PALM2AKAP2: variants seen among roughly 807,000 people sequenced by gnomAD.
PALM2AKAP2 encodes PALM2 and AKAP2 fusion, also known as PALM2-AKAP2 fusion protein.
PALM2AKAP2 carries 37 observed loss-of-function variants against 71.5 expected under a neutral mutation model. The observed-to-expected ratio is 0.52, with a 90% CI of 0.40 to 0.68. PALM2AKAP2 has a LOEUF of 0.68. Among genes scored for constraint, PALM2AKAP2 ranks in the 30% least tolerant of loss-of-function variants. The pLI is 0.00. For missense variants in PALM2AKAP2, 1,224 were observed against 1,191.8 expected, an observed-to-expected ratio of 1.03 and a Z score of -0.40; for synonymous variants, 468 against 478.8, an observed-to-expected ratio of 0.98 and a Z score of 0.29.
intron 2 of PALM2AKAP2, among the ~76,000 whole-genome samples, chr9:110,147,493 T>A (rs907750030): frequency 6.6e-6 from 1 of 152,178 alleles, no homozygotes; most frequent in Non-Finnish European, 1.5e-5. Flanking sequence ...ATTGTTGTTG[T>A]CATTACAACA....
chr9:110,060,162 G>A (rs1833932690), intron 1 of PALM2AKAP2, among the ~76,000 whole-genome samples: 1 of 152,116 alleles, frequency 6.6e-6, no homozygotes, highest in Non-Finnish European at 1.5e-5. Flanking sequence ...GCCCAGGCTG[G>A]AATGCAATGG....
chr9:110,100,312 C>T (rs1403704554), intron 1 of PALM2AKAP2, among the ~76,000 whole-genome samples: 2 of 152,032 alleles, frequency 1.3e-5, no homozygotes, highest in East Asian at 3.9e-4. Context: ...CAACCCCCTG[C>T]ACTTCTAGAA....
rs571248187 is a variant in PALM2AKAP2 at position 109,695,481 on chromosome 9, A to G, written c.5+54615A>G. Among the ~76,000 whole-genome samples the G allele has an allele frequency of 4.6e-5, 7 of 152,196 alleles. No homozygotes were observed. In the South Asian group the frequency reaches 6.2e-4, roughly 14 times the overall value. ...ATTGTCATTTTTTGTCTTTTTGATA[A>G]TAGTCATTTTAACTGTGGTGAGAGG... On this transcript the variant is annotated intron_variant, in intron 1 of 6. Transcript: ENST00000374531.
At chr9:110,030,301 G>C (rs1325042010) in intron 7 of PALM2AKAP2, among the ~76,000 whole-genome samples, 5 of 152,224 alleles carry the variant, frequency 3.3e-5, no homozygotes, top group African/African-American at 1.2e-4. Flanking sequence ...ATTTGTGACA[G>C]AAGTCTGTTC....
chr9:110,137,809 C>G (rs1418273270), exon 2 of PALM2AKAP2: 1 of 1,614,068 alleles, frequency 6.2e-7, no homozygotes, highest in South Asian at 1.1e-5. Flanking sequence ...TTTCTCTGCC[C>G]CAGACACCAC....
At chr9:110,023,306 T>TTTTC (rs1833109230) in intron 7 of PALM2AKAP2, among the ~76,000 whole-genome samples, 1 of 22,216 alleles carries the variant, frequency 4.5e-5, no homozygotes, top group African/African-American at 2.5e-4. Flanking sequence ...TTGTGGTTTC[T>TTTTC]TTTTTTTTTT....
intron 6 of PALM2AKAP2, among the ~76,000 whole-genome samples, chr9:110,009,705 C>T (rs1320241508): frequency 2.1e-5 from 3 of 141,940 alleles, no homozygotes; most frequent in African/African-American, 8.4e-5. Context: ...CAAAGTGAGA[C>T]TCTGTCTCAA....
intron 1 of PALM2AKAP2, among the ~76,000 whole-genome samples, chr9:109,852,581 T>C (rs949681252): frequency 4.6e-5 from 7 of 152,224 alleles, no homozygotes; most frequent in African/African-American, 1.7e-4. Context: ...GTGGCAATTC[T>C]GTTTTCAGTT....
In PALM2AKAP2 at chr9:109,937,362, G is replaced by A. The variant is rs142893598; in HGVS notation, c.496+5334G>A. Among the ~76,000 whole-genome samples the A allele has an allele frequency of 5.3e-4, 81 of 152,244 alleles. No homozygotes were observed. The East Asian group carries it at 0.011, about 21-fold the overall frequency. On this transcript the variant is annotated intron_variant, in intron 6 of 9. Coordinates refer to the PALM2AKAP2 transcript ENST00000302798. The stretch of plus-strand genomic sequence containing the variant: ...CTTAATGTCTCTACTCCTTCAGGGC[G>A]TTTCCCTATTGATGAAAGAATTATT...
chr9:109,727,787 T>C (rs530603855), intron 1 of PALM2AKAP2, among the ~76,000 whole-genome samples: 2 of 152,386 alleles, frequency 1.3e-5, no homozygotes, highest in Admixed American at 1.3e-4. Flanking sequence ...GTTTTTAATC[T>C]CTTTCTTTTT....
intron 3 of PALM2AKAP2, 53 bp downstream of exon 3, chr9:109,880,734 C>T (rs910932073): frequency 6.3e-7 from 1 of 1,598,542 alleles, no homozygotes. Flanking sequence ...AGTGCAGTAA[C>T]CACTGCTCTC....
Position 109,942,535 on chromosome 9 carries a change from T to G in PALM2AKAP2, c.496+10507T>G, listed in dbSNP as rs899452882. The G allele has an allele frequency of 1.2e-4, 92 of 764,626 alleles. 1 individual carries two copies. The highest frequency in any genetic ancestry group is 6.7e-4 in the South Asian group (31 of 46,006). The allele number at this position is 764,626 out of a possible 1,614,324, so 47.4% of individuals were successfully genotyped here. ...TACAATACAGATATAACCATCTTTA[T>G]TCACAGTGCGCACCTCACTCTAACA... On this transcript the variant is annotated intron_variant, in intron 6 of 9. Transcript: ENST00000302798.
chr9:110,014,813 TATATA>T (rs1564260637), intron 6 of PALM2AKAP2, among the ~76,000 whole-genome samples: 2 of 27,516 alleles, frequency 7.3e-5, no homozygotes, highest in Non-Finnish European at 1.4e-4. Context: ...AATGTATATA[TATATA>T]TATATATATA....
chr9:109,943,749 G>A, intron 6 of PALM2AKAP2: 1 of 247,264 alleles, frequency 4.0e-6, no homozygotes, highest in Non-Finnish European at 7.8e-6. Context: ...CACTTGACTG[G>A]AATTGAACCC....
At chr9:110,110,522 T>C (rs375446775) in intron 1 of PALM2AKAP2, among the ~76,000 whole-genome samples, 4 of 148,882 alleles carry the variant, frequency 2.7e-5, no homozygotes, top group South Asian at 2.1e-4. Context: ...GTGTTTATGG[T>C]GCATTCATGT....
At chr9:110,037,785 A>G (rs975961377) in intron 7 of PALM2AKAP2, among the ~76,000 whole-genome samples, 2 of 152,202 alleles carry the variant, frequency 1.3e-5, no homozygotes, top group Non-Finnish European at 2.9e-5. Flanking sequence ...TTTGAGAGGA[A>G]ATTAAGAATT....
At chr9:109,913,543 C>G (rs1407454119) in intron 3 of PALM2AKAP2, among the ~76,000 whole-genome samples, 4 of 152,112 alleles carry the variant, frequency 2.6e-5, no homozygotes, top group Admixed American at 6.5e-5. Flanking sequence ...AATTCACAAC[C>G]TTGCAATTGC....
Position 109,766,713 on chromosome 9 carries a change from A to T in PALM2AKAP2, c.6-13775A>T, listed in dbSNP as rs531467798. 6.8e-4 allele frequency among the ~76,000 whole-genome samples: 104 copies of T among 152,350 alleles called. 1 individual carries two copies. In the Middle Eastern group the frequency reaches 0.027, roughly 40 times the overall value. ...TCTACCCTCTAGGTTTTCATTTCAT[A>T]AAGAATCTGTGCATTATTTATCATC... is the stretch of plus-strand genomic sequence containing the variant. On this transcript the variant is annotated intron_variant, in intron 1 of 6. Transcript: ENST00000374531.
intron 1 of PALM2AKAP2, among the ~76,000 whole-genome samples, chr9:109,644,323 T>C (rs10113953): frequency 0.63 from 95,564 of 151,440 alleles, 30,605 homozygotes; most frequent in African/African-American, 0.74. Context: ...AGATTTCATC[T>C]CCGGTAGAAA....
Sources: gnomAD v4.1 joint callset for allele counts (sites outside exome capture counted in the v4.1 genomes callset) on GRCh38, gnomAD v4.1.1 for gene constraint, MANE v1.5 for transcripts, NCBI Gene and HGNC (gene_info 2026-07-23, HGNC 2026-07-21) for gene names.